DHRS9: variants seen among roughly 807,000 people sequenced by gnomAD.
The protein encoded by DHRS9 is dehydrogenase/reductase SDR family member 9.
A neutral mutation model predicts 26.6 loss-of-function variants in DHRS9; 18 were observed. The observed-to-expected ratio is 0.68, with a 90% CI of 0.47 to 1.00. The LOEUF (loss-of-function observed/expected upper bound fraction) is 1.00. Among genes scored for constraint, DHRS9 ranks in the 50% least tolerant of loss-of-function variants. The pLI, the probability that DHRS9 is intolerant of heterozygous loss-of-function variation, is 0.00. For synonymous variants in DHRS9, 134 were observed against 141.1 expected (o/e 0.95, Z 0.36); for missense variants, 425 against 378.7 (o/e 1.12, Z -1.01).
intron 3 of DHRS9, among the ~76,000 whole-genome samples, chr2:169,091,224 T>TATAAAATAAAATAAAATAAA (rs56686443): frequency 5.0e-5 from 6 of 121,178 alleles, no homozygotes; most frequent in East Asian, 4.7e-4. Flanking sequence ...TGCAGCATGA[T>TATAAAATAAAATAAAATAAA]ATAAAATAAA....
At chr2:169,083,192 C>G in intron 2 of DHRS9, 137 bp from the exon 3 acceptor site, 2 of 1,122,904 alleles carry the variant, frequency 1.8e-6, no homozygotes, top group Non-Finnish European at 2.5e-6. Context: ...CTTCCCAAAA[C>G]TGCGAAGTAT....
chr2:169,083,587 G>C lies in DHRS9; in HGVS notation c.572G>C (p.Arg191Thr). The change falls in exon 3 of 5, where the codon AGA (arginine) becomes ACA (threonine). Residue 191 changes from arginine (R) to threonine (T), a missense_variant and splice_region_variant. By Grantham distance (71) the Arg-to-Thr change is moderately conservative. Transcript: ENST00000674881. ...YAVEGFNDSLRRDMKAFGVHV... is the reference protein window; with the variant it reads ...YAVEGFNDSLTRDMKAFGVHV... Reference sequence around the variant, plus strand: ...GTGGAAGGTTTCAATGACAGCTTAAGGTAAATCAAATTAATCAACTTATTA... The same window carrying C: ...GTGGAAGGTTTCAATGACAGCTTAACGTAAATCAAATTAATCAACTTATTA... 4 of 1,612,544 alleles carry C rather than the reference G, an allele frequency of 2.5e-6. No individual in the cohort carries two copies. The highest frequency in any genetic ancestry group is 3.4e-6 in the Non-Finnish European group (4 of 1,178,876).
intron 1 of DHRS9, chr2:169,074,401 A>G (rs2105280792): frequency 1.0e-6 from 1 of 985,422 alleles, no homozygotes; most frequent in African/African-American, 1.7e-5. Context: ...TTTACGCCCT[A>G]TTAAGCAATT....
At chr2:169,078,455 C>T (rs768244371) in intron 1 of DHRS9, among the ~76,000 whole-genome samples, 1 of 152,144 alleles carries the variant, frequency 6.6e-6, no homozygotes, top group Non-Finnish European at 1.5e-5. Flanking sequence ...TTTCGCCTTT[C>T]GGTGATTATT....
Position 169,071,843 on chromosome 2 carries a change from A to T in DHRS9, c.-60+2126A>T, listed in dbSNP as rs566182919. Among the ~76,000 whole-genome samples, 229 of 152,270 alleles carry T rather than the reference A, an allele frequency of 1.5e-3. 1 individual carries two copies. Among genetic ancestry groups the T allele is most frequent in the Non-Finnish European group, 2.9e-3 (198 of 68,014 alleles). ...AGCATTCGTTGCTTAATGCAAGCAC[A>T]TTTAATGTAGGGTCCCTTGGTGCCA... On this transcript the variant is annotated intron_variant, in intron 1 of 4. Transcript: ENST00000674881.
At chr2:169,092,734 G>C (rs938989580) in intron 4 of DHRS9, among the ~76,000 whole-genome samples, 2 of 152,184 alleles carry the variant, frequency 1.3e-5, no homozygotes, top group African/African-American at 4.8e-5. Context: ...TCCTGGTCAA[G>C]AGATTGAGTC....
intron 1 of DHRS9, among the ~76,000 whole-genome samples, chr2:169,071,170 A>G (rs1433075794): frequency 1.3e-5 from 2 of 152,220 alleles, no homozygotes; most frequent in Non-Finnish European, 2.9e-5. Context: ...GAACCTATAC[A>G]TATGTTCTAT....
Position 169,078,781 on chromosome 2 carries a change from T to C in DHRS9, c.-59-2742T>C, listed in dbSNP as rs1469009643. On this transcript the variant is annotated intron_variant, in intron 1 of 4. Coordinates refer to ENST00000674881, the MANE Select transcript of DHRS9 (RefSeq NM_001376924.1). Reference sequence around the variant, plus strand: ...ATCAAGTAGGTTCTCCAAACATATTTTTATATTCCTCTGACTTAATTTTTA... The same window carrying C: ...ATCAAGTAGGTTCTCCAAACATATTCTTATATTCCTCTGACTTAATTTTTA... Among the ~76,000 whole-genome samples, 3 of 151,878 alleles carry C rather than the reference T, an allele frequency of 2.0e-5. No individual in the cohort carries two copies. The East Asian group carries it at 5.8e-4, about 29-fold the overall frequency.
At chr2:169,086,955 C>T (rs1470479632) in intron 3 of DHRS9, among the ~76,000 whole-genome samples, 2 of 152,160 alleles carry the variant, frequency 1.3e-5, no homozygotes, top group Non-Finnish European at 2.9e-5. Flanking sequence ...AGACCCAAGG[C>T]CCTCTGTAAT....
chr2:169,068,858 C>G (rs1465942893), upstream of DHRS9, among the ~76,000 whole-genome samples: 3 of 152,156 alleles, frequency 2.0e-5, no homozygotes, highest in African/African-American at 7.2e-5. Context: ...TGAAGGGTGG[C>G]AGGCTAGATT....
At chr2:169,074,912 T>C (rs925272031) in intron 1 of DHRS9, among the ~76,000 whole-genome samples, 1 of 152,198 alleles carries the variant, frequency 6.6e-6, no homozygotes, top group African/African-American at 2.4e-5. Context: ...TGTGAGTCCA[T>C]TCTTAACAGC....
chr2:169,070,881 G>C (rs1156936972), intron 1 of DHRS9: 1 of 336,632 alleles, frequency 3.0e-6, no homozygotes, highest in Non-Finnish European at 4.2e-6. Context: ...TGGCTAACAC[G>C]GTGAAACCTG....
At chr2:169,067,182 C>G, upstream of DHRS9, 1 of 1,535,640 alleles carries the variant, frequency 6.5e-7, no homozygotes, top group Non-Finnish European at 8.7e-7. Flanking sequence ...CATGCTCTAT[C>G]ACCAGCCTCA....
chr2:169,070,568 G>A (rs1354554387), intron 1 of DHRS9: 51 of 984,834 alleles, frequency 5.2e-5, no homozygotes, highest in Non-Finnish European at 6.0e-5. Context: ...TTGGCTACAC[G>A]CTGCATCAAA....
intron 1 of DHRS9, among the ~76,000 whole-genome samples, chr2:169,071,257 T>G (rs1009232829): frequency 6.6e-6 from 1 of 152,224 alleles, no homozygotes; most frequent in Non-Finnish European, 1.5e-5. Context: ...AGATAGCAAT[T>G]GTTATGCAGT....
rs140576390 is a variant in DHRS9, at chr2:169,073,354, G to A, written c.-60+3637G>A. On this transcript the variant is annotated intron_variant, in intron 1 of 4. Coordinates refer to ENST00000674881, the MANE Select transcript of DHRS9 (RefSeq NM_001376924.1). Reference sequence around the variant, plus strand: ...TCTATACAGTGAAGATAATTTTGTCGTAAGGTGTAAATAAGATAAATATTT... The same window carrying A: ...TCTATACAGTGAAGATAATTTTGTCATAAGGTGTAAATAAGATAAATATTT... Among the ~76,000 whole-genome samples, 156 of 152,300 alleles carry A rather than the reference G, an allele frequency of 1.0e-3. No homozygotes were observed. In the East Asian group the frequency reaches 0.017, roughly 16 times the overall value.
rs186069019 is a variant in DHRS9, at chr2:169,081,736, A to G, written c.155A>G (p.Lys52Arg). Reference sequence around the variant, plus strand: ...TTGGCAGCCAGAACTTTTGATAAAAAGGGATTTCATGTAATCGCTGCCTGT... The same window carrying G: ...TTGGCAGCCAGAACTTTTGATAAAAGGGGATTTCATGTAATCGCTGCCTGT... ...GNLAARTFDK[K>R]GFHVIAACLT... Residue 52 changes from lysine to arginine, a missense_variant, in exon 2 of 5, where the codon AAG becomes AGG. Physicochemically the swap from Lys to Arg is conservative, Grantham distance 26 (BLOSUM62 2). Coordinates refer to ENST00000674881, the MANE Select transcript of DHRS9 (RefSeq NM_001376924.1). The G allele has an allele frequency of 3.1e-6, 5 of 1,614,096 alleles. No individual in the cohort carries two copies. Among genetic ancestry groups the G allele is most frequent in the Non-Finnish European group, 4.2e-6 (5 of 1,180,032 alleles).
rs760492236 is a variant in DHRS9 at position 169,083,411 on chromosome 2, A to G, written c.396A>G (p.Glu132=). 5 of 1,614,004 alleles carry G rather than the reference A, an allele frequency of 3.1e-6. No homozygotes were observed. The Admixed American group carries it at 8.3e-5, about 27-fold the overall frequency. The change falls in exon 3 of 5, where the codon GAA becomes GAG. Residue 132 remains glutamate (E), a synonymous_variant. Coordinates refer to ENST00000674881, the MANE Select transcript of DHRS9 (RefSeq NM_001376924.1). The part of the protein sequence containing the change: ...TDWLTLEDYR[E]PIEVNLFGLI... Reference sequence around the variant, plus strand: ...GGCTGACACTAGAGGACTACAGAGAACCTATTGAAGTGAACCTGTTTGGAC... The same window carrying G: ...GGCTGACACTAGAGGACTACAGAGAGCCTATTGAAGTGAACCTGTTTGGAC...
At chr2:169,067,139 A>G (rs1476648690), upstream of DHRS9, 22 of 1,535,292 alleles carry the variant, frequency 1.4e-5, no homozygotes, top group Non-Finnish European at 5.2e-6. Flanking sequence ...AGAGAGGATT[A>G]CATCATTATG....
Sources: allele counts gnomAD v4.1 joint callset (sites outside exome capture counted in the v4.1 genomes callset), GRCh38; gene constraint gnomAD v4.1.1; transcripts MANE v1.5; gene names NCBI Gene and HGNC (gene_info 2026-07-23, HGNC 2026-07-21).